The following SATB2 variants were observed in gnomAD, a reference collection of about 807,000 sequenced individuals.
SATB2 encodes the protein DNA-binding protein SATB2.
A neutral mutation model predicts 73.4 loss-of-function variants in SATB2; 1 was observed. The observed-to-expected ratio is 0.01, with a 90% CI of 0.00 to 0.06. The LOEUF (loss-of-function observed/expected upper bound fraction) is 0.06. Among genes scored for constraint, SATB2 ranks in the 10% least tolerant of loss-of-function variants. The pLI is 1.00. For synonymous variants in SATB2, 397 were observed against 367.0 expected (o/e 1.08, Z -0.93); for missense variants, 459 against 945.8 (o/e 0.49, Z 6.75).
intron 9 of SATB2, among the ~76,000 whole-genome samples, chr2:199,317,995 C>T (rs952985785): frequency 7.2e-5 from 11 of 151,832 alleles, no homozygotes; most frequent in Non-Finnish European, 1.6e-4. Flanking sequence ...TATATTTCGC[C>T]CAGTTGACAA....
intron 10 of SATB2, among the ~76,000 whole-genome samples, chr2:199,277,988 T>C (rs996776621): frequency 2.0e-5 from 3 of 152,152 alleles, no homozygotes; most frequent in Non-Finnish European, 4.4e-5. Context: ...CTGACTTCTA[T>C]GAGTAAAATA....
At chr2:199,424,468 T>G (rs1371213972) in intron 3 of SATB2, among the ~76,000 whole-genome samples, 1 of 152,180 alleles carries the variant, frequency 6.6e-6, no homozygotes, top group African/African-American at 2.4e-5. Flanking sequence ...CTATTTGAAC[T>G]AAGTAATAAA....
upstream of SATB2, among the ~76,000 whole-genome samples, chr2:199,462,508 T>C (rs1692498441): frequency 6.6e-6 from 1 of 152,128 alleles, no homozygotes; most frequent in Non-Finnish European, 1.5e-5. This position sits in a 1 kb window ranked among gnomAD's most constrained non-coding sequence, Gnocchi z 5.9. Flanking sequence ...TTTCCCAGAG[T>C]GCTCCGGGCG....
At position 199,272,286 on chromosome 2, in the gene SATB2, C is replaced by T; in HGVS notation, c.2127G>A (p.Glu709=). 1.2e-6 allele frequency: 2 copies of T among 1,614,198 alleles called. No homozygotes were observed. The highest frequency in any genetic ancestry group is 8.5e-7 in the Non-Finnish European group (1 of 1,180,032). ...EENDSEEGSE[E]MYKVEAEEEN... The stretch of plus-strand genomic sequence containing the variant: ...CCTCCTCAGCCTCCACTTTGTACAT[C>T]TCCTCGGAGCCTTCCTCGCTGTCGT... Residue 709 remains glutamate (E), a synonymous_variant, in exon 11 of 11, where the codon GAG becomes GAA. Transcript: ENST00000417098. The surrounding 1 kb of genome is among the most constrained non-coding windows in gnomAD (Gnocchi z 6.7).
intron 6 of SATB2, among the ~76,000 whole-genome samples, chr2:199,367,400 A>ATT (rs1689317073): frequency 6.6e-6 from 1 of 152,122 alleles, no homozygotes. Context: ...TGCCTTATAA[A>ATT]ACATATATTT....
At chr2:199,323,983 A>T in intron 8 of SATB2, 25 bp from the exon 9 acceptor site, 7 of 1,613,098 alleles carry the variant, frequency 4.3e-6, no homozygotes, top group Non-Finnish European at 5.1e-6. Context: ...TGAAAATAAT[A>T]ATTTAAAAAG....
chr2:199,279,694 G>A (rs1692423710), intron 10 of SATB2, among the ~76,000 whole-genome samples: 1 of 152,166 alleles, frequency 6.6e-6, no homozygotes, highest in Admixed American at 6.5e-5. Flanking sequence ...CATAGGAGAT[G>A]AGAACACAAA....
At chr2:199,285,749 A>G (rs927701853) in intron 10 of SATB2, among the ~76,000 whole-genome samples, 1 of 151,884 alleles carries the variant, frequency 6.6e-6, no homozygotes, top group African/African-American at 2.4e-5. Context: ...GAGAGAGAGA[A>G]AGAGAATAAG....
At chr2:199,307,434 T>C (rs1687467258) in intron 10 of SATB2, among the ~76,000 whole-genome samples, 1 of 152,090 alleles carries the variant, frequency 6.6e-6, no homozygotes, top group South Asian at 2.1e-4. Context: ...TGGATGAGAC[T>C]TCGGTCAGAA....
intron 3 of SATB2, among the ~76,000 whole-genome samples, chr2:199,404,043 A>T (rs1574595351): frequency 6.6e-6 from 1 of 152,350 alleles, no homozygotes; most frequent in Non-Finnish European, 1.5e-5. Flanking sequence ...ATCCACATGC[A>T]GATGCCAAAG....
At chr2:199,413,134 A>G (rs752900966) in intron 3 of SATB2, among the ~76,000 whole-genome samples, 3 of 152,220 alleles carry the variant, frequency 2.0e-5, no homozygotes, top group African/African-American at 7.2e-5. Context: ...AATAAAATGT[A>G]TATCTTCTCA....
intron 10 of SATB2, among the ~76,000 whole-genome samples, chr2:199,290,211 C>G (rs1378996370): frequency 6.6e-6 from 1 of 152,228 alleles, no homozygotes; most frequent in African/African-American, 2.4e-5. Context: ...GCCTTGGAAG[C>G]CTTCTGAGTT....
intron 3 of SATB2, among the ~76,000 whole-genome samples, chr2:199,382,191 A>G (rs968392543): frequency 6.6e-6 from 1 of 152,234 alleles, no homozygotes; most frequent in African/African-American, 2.4e-5. Flanking sequence ...GTAAGCCTTA[A>G]GTAAATATAA....
chr2:199,286,964 A>G (rs1288387721), intron 10 of SATB2, among the ~76,000 whole-genome samples: 2 of 152,236 alleles, frequency 1.3e-5, no homozygotes, highest in African/African-American at 4.8e-5. Flanking sequence ...CTAAATGAGG[A>G]AGATGAAAGG....
intron 6 of SATB2, among the ~76,000 whole-genome samples, chr2:199,356,241 A>AT (rs1688981349): frequency 6.6e-6 from 1 of 151,606 alleles, no homozygotes; most frequent in South Asian, 2.1e-4. Flanking sequence ...AAAAAAAAAA[A>AT]AAAAAAGAAA....
chr2:199,428,545 C>T (rs574204739), intron 3 of SATB2, among the ~76,000 whole-genome samples: 42 of 152,252 alleles, frequency 2.8e-4, no homozygotes, highest in South Asian at 8.3e-4. Flanking sequence ...GCTCTTCCAC[C>T]CACTAGCCTG....
chr2:199,291,470 A>T (rs1374355), intron 10 of SATB2, among the ~76,000 whole-genome samples: 119,517 of 152,132 alleles, frequency 0.79, 48,755 homozygotes, highest in Non-Finnish European at 0.89. Context: ...TTTTGGCATT[A>T]AACAACATTT....
intron 6 of SATB2, among the ~76,000 whole-genome samples, chr2:199,355,203 GTA>G (rs1342452403): frequency 1.4e-5 from 2 of 147,326 alleles, no homozygotes; most frequent in African/African-American, 2.5e-5. Context: ...CACTATATAT[GTA>G]TATATATATA....
chr2:199,284,680 A>G (rs1384525201), intron 10 of SATB2, among the ~76,000 whole-genome samples: 1 of 152,118 alleles, frequency 6.6e-6, no homozygotes, highest in Non-Finnish European at 1.5e-5. Context: ...AAATATATTT[A>G]TTGTGAAATA....
Sources: allele counts gnomAD v4.1 joint callset (sites outside exome capture counted in the v4.1 genomes callset), GRCh38; gene constraint gnomAD v4.1.1; non-coding constraint Gnocchi (gnomAD v3.1); transcripts MANE v1.5; gene names NCBI Gene and HGNC (gene_info 2026-07-23, HGNC 2026-07-21).